The following PPARGC1A variants were observed in gnomAD, a reference collection of about 807,000 sequenced individuals.
PPARGC1A encodes PPARG coactivator 1 alpha, also known as peroxisome proliferator-activated receptor gamma coactivator 1-alpha.
In PPARGC1A, 25 loss-of-function variants were observed where a neutral mutation model predicts 88.7. The observed-to-expected ratio is 0.28, with a 90% CI of 0.21 to 0.39. The LOEUF (loss-of-function observed/expected upper bound fraction) is 0.39. PPARGC1A is among the 10% of genes least tolerant of loss of function. PPARGC1A has a pLI of 1.00. For synonymous variants in PPARGC1A, 363 were observed against 355.6 expected, an observed-to-expected ratio of 1.02 and a Z score of -0.24; for missense variants, 880 against 968.7, an observed-to-expected ratio of 0.91 and a Z score of 1.22.
the PPARGC1A span, among the ~76,000 whole-genome samples, chr4:24,018,811 TG>T: frequency 6.6e-6 from 1 of 152,126 alleles, no homozygotes; most frequent in African/African-American, 2.4e-5. Flanking sequence ...TTCCCCCACC[TG>T]GGGGACCTCA....
the PPARGC1A span, among the ~76,000 whole-genome samples, chr4:24,470,277 GACACACACACACACACACACACAC>G: frequency 1.4e-4 from 15 of 110,676 alleles, no homozygotes; most frequent in African/African-American, 4.8e-4. This position sits in a 1 kb window ranked among gnomAD's most constrained non-coding sequence, Gnocchi z 5.8. Context: ...GACAGACACA[GACACACACACACACACACACACAC>G]ACACACACAC....
the PPARGC1A span, among the ~76,000 whole-genome samples, chr4:24,354,890 A>C: frequency 0.18 from 26,476 of 144,792 alleles, 2,443 homozygotes; most frequent in Non-Finnish European, 0.21. Flanking sequence ...GTCAAAAAAA[A>C]CAAAAACAAA....
chr4:23,883,982 C>T (rs547791432), intron 2 of PPARGC1A: 9 of 152,128 alleles, frequency 5.9e-5, no homozygotes, highest in Admixed American at 2.0e-4. Flanking sequence ...TGTCATCCTT[C>T]GTTTAATTCA....
At chr4:24,387,798 AAGAAAGAAAGAAAGAAAGAAAGAAAGAG>A in the PPARGC1A span, among the ~76,000 whole-genome samples, 73 of 112,386 alleles carry the variant, frequency 6.5e-4, 2 homozygotes, top group African/African-American at 2.0e-3. Flanking sequence ...GAAAGAAAGA[AAGAAAGAAAGAAAGAAAGAAAGAAAGAG>A]AGAAAGAGAG....
chr4:24,000,968 T>C, the PPARGC1A span, among the ~76,000 whole-genome samples: 1 of 152,210 alleles, frequency 6.6e-6, no homozygotes, highest in East Asian at 1.9e-4. Flanking sequence ...TTTTCCAATA[T>C]TCAGTTTTAT....
chr4:24,151,583 T>G, the PPARGC1A span, among the ~76,000 whole-genome samples: 1 of 152,216 alleles, frequency 6.6e-6, no homozygotes, highest in African/African-American at 2.4e-5. Context: ...AACATACTTT[T>G]GTGCCAAGCA....
At chr4:24,370,258 T>C in the PPARGC1A span, among the ~76,000 whole-genome samples, 1 of 152,088 alleles carries the variant, frequency 6.6e-6, no homozygotes, top group Non-Finnish European at 1.5e-5. Context: ...GTGAAATAAA[T>C]AGATTAAGCC....
the PPARGC1A span, among the ~76,000 whole-genome samples, chr4:24,023,071 A>G: frequency 6.6e-6 from 1 of 152,136 alleles, no homozygotes; most frequent in South Asian, 2.1e-4. Context: ...TTCTACTATA[A>G]GTATTTTTAG....
At chr4:23,913,265 T>TAGAGAGAGAGAG in the PPARGC1A span, among the ~76,000 whole-genome samples, 2 of 58,810 alleles carry the variant, frequency 3.4e-5, no homozygotes, top group African/African-American at 8.7e-5. Context: ...TATATATATA[T>TAGAGAGAGAGAG]ATAGAGAGAG....
the PPARGC1A span, among the ~76,000 whole-genome samples, chr4:24,168,200 T>C: frequency 6.6e-6 from 1 of 152,232 alleles, no homozygotes; most frequent in South Asian, 2.1e-4. Flanking sequence ...CCATATTTGC[T>C]TTACTGTGGT....
chr4:24,453,641 G>A, the PPARGC1A span, among the ~76,000 whole-genome samples: 9 of 152,292 alleles, frequency 5.9e-5, no homozygotes, highest in African/African-American at 1.4e-4. Flanking sequence ...TTAGCTGGGC[G>A]TGGTGGCACA....
At chr4:24,229,247 G>A in the PPARGC1A span, among the ~76,000 whole-genome samples, 3 of 140,932 alleles carry the variant, frequency 2.1e-5, no homozygotes, top group South Asian at 2.4e-4. Flanking sequence ...TCCACCTCCC[G>A]GGTTCAAGTG....
At chr4:24,171,151 C>T in the PPARGC1A span, among the ~76,000 whole-genome samples, 126 of 152,244 alleles carry the variant, frequency 8.3e-4, no homozygotes, top group African/African-American at 2.8e-3. Context: ...GTGGCTCACG[C>T]CTGTAATCCC....
the PPARGC1A span, among the ~76,000 whole-genome samples, chr4:24,156,661 C>A: frequency 6.6e-6 from 1 of 151,684 alleles, no homozygotes; most frequent in Non-Finnish European, 1.5e-5. Context: ...GTGGATTTCA[C>A]AATTGCTCCT....
chr4:23,911,380 A>G, the PPARGC1A span, among the ~76,000 whole-genome samples: 2 of 152,202 alleles, frequency 1.3e-5, no homozygotes, highest in African/African-American at 2.4e-5. Context: ...GGTGTCACCA[A>G]TCTTCAGGGG....
the PPARGC1A span, among the ~76,000 whole-genome samples, chr4:24,119,065 G>A: frequency 6.6e-6 from 1 of 152,202 alleles, no homozygotes; most frequent in Non-Finnish European, 1.5e-5. Flanking sequence ...GGCAGTCATT[G>A]GAGAGGGATT....
the PPARGC1A span, among the ~76,000 whole-genome samples, chr4:24,100,436 A>G: frequency 4.6e-5 from 7 of 152,164 alleles, no homozygotes; most frequent in Non-Finnish European, 7.4e-5. Context: ...TTTTAGAGGC[A>G]TGATCCAGTA....
chr4:24,244,242 T>C, the PPARGC1A span, among the ~76,000 whole-genome samples: 18 of 152,246 alleles, frequency 1.2e-4, no homozygotes, highest in African/African-American at 3.6e-4. Context: ...AAAAGCAGAA[T>C]TGAGCAACAC....
At chr4:24,451,391 G>A in the PPARGC1A span, among the ~76,000 whole-genome samples, 5 of 152,236 alleles carry the variant, frequency 3.3e-5, no homozygotes, top group East Asian at 7.7e-4. Flanking sequence ...AAACAAGCAC[G>A]ACCCTAATGG....
Sources: allele counts gnomAD v4.1 joint callset (sites outside exome capture counted in the v4.1 genomes callset), GRCh38; gene constraint gnomAD v4.1.1; non-coding constraint Gnocchi (gnomAD v3.1); transcripts MANE v1.5; gene names NCBI Gene and HGNC (gene_info 2026-07-23, HGNC 2026-07-21).